Variants in XYLT1 observed in about 807,000 individuals in gnomAD.
The protein encoded by XYLT1 is beta-D-xylosyltransferase 1.
XYLT1 carries 36 observed loss-of-function variants against 91.3 expected under a neutral mutation model. That is an observed-to-expected ratio of 0.39 (90% CI 0.30 to 0.52). The LOEUF (loss-of-function observed/expected upper bound fraction) is 0.52. Among genes scored for constraint, XYLT1 ranks in the 20% least tolerant of loss-of-function variants. The pLI is 0.68. For synonymous variants in XYLT1, 588 were observed against 532.0 expected (o/e 1.11, Z -1.45); for missense variants, 1,242 against 1,284.5 (o/e 0.97, Z 0.51).
intron 1 of XYLT1, among the ~76,000 whole-genome samples, chr16:17,402,382 T>C (rs2035981484): frequency 6.6e-6 from 1 of 151,936 alleles, no homozygotes; most frequent in South Asian, 2.1e-4. Flanking sequence ...AGACGAAGTG[T>C]ACACAGTTTA....
At chr16:17,371,730 TC>T (rs1340618460) in intron 1 of XYLT1, among the ~76,000 whole-genome samples, 1 of 152,184 alleles carries the variant, frequency 6.6e-6, no homozygotes, top group African/African-American at 2.4e-5. Context: ...CTGCAACCTT[TC>T]TAGGTCTAAA....
At chr16:17,169,094 C>A (rs1019373548) in intron 5 of XYLT1, among the ~76,000 whole-genome samples, 1 of 152,162 alleles carries the variant, frequency 6.6e-6, no homozygotes, top group Non-Finnish European at 1.5e-5. Flanking sequence ...ACGCCTGGGA[C>A]AGGAGTGGGT....
chr16:17,310,997 A>C (rs941941912), intron 2 of XYLT1, among the ~76,000 whole-genome samples: 1 of 152,156 alleles, frequency 6.6e-6, no homozygotes, highest in African/African-American at 2.4e-5. Flanking sequence ...ACGGAGAAAA[A>C]GGTGAACTTC....
chr16:17,336,360 G>A lies in XYLT1; in HGVS notation c.402+21652C>T, dbSNP rs377199692. On this transcript the variant is annotated intron_variant, in intron 2 of 11. Coordinates refer to ENST00000261381, the MANE Select transcript of XYLT1 (RefSeq NM_022166.4). ...TGTCATCTGATTCTGTTTTCTGTCA[G>A]GGAAATAAAATATCCCATTTCCTCC... Among the ~76,000 whole-genome samples the A allele has an allele frequency of 1.9e-3, 282 of 152,292 alleles. 2 individuals are homozygous for A. Among genetic ancestry groups the A allele is most frequent in the African/African-American group, 6.4e-3 (264 of 41,560 alleles).
In XYLT1 at chr16:17,316,789, T is replaced by TA. The variant is rs2034638954; in HGVS notation, c.402+41222dup. On this transcript the variant is annotated intron_variant, in intron 2 of 11. Transcript: ENST00000261381. ...AAAGCTAATTTTACACAGACCCTGT[T>TA]ACCTGAAAGAGCTCACTTTGAAACC... Among the ~76,000 whole-genome samples the TA allele has an allele frequency of 2.6e-5, 4 of 151,270 alleles. No homozygotes were observed. The South Asian group carries it at 8.3e-4, about 31-fold the overall frequency.
intron 6 of XYLT1, among the ~76,000 whole-genome samples, chr16:17,146,729 C>A (rs2031143425): frequency 1.3e-5 from 2 of 152,152 alleles, no homozygotes; most frequent in South Asian, 4.1e-4. Context: ...CCAGCTTTGA[C>A]ATTCTATAAG....
intron 1 of XYLT1, among the ~76,000 whole-genome samples, chr16:17,469,571 C>A (rs1162823730): frequency 2.0e-5 from 3 of 152,204 alleles, no homozygotes; most frequent in African/African-American, 7.2e-5. Flanking sequence ...CCCCACCCAG[C>A]CACCCAGATG....
intron 5 of XYLT1, among the ~76,000 whole-genome samples, chr16:17,170,420 T>A (rs1341625199): frequency 6.6e-6 from 1 of 152,234 alleles, no homozygotes; most frequent in Non-Finnish European, 1.5e-5. Context: ...ATCAGCCTTA[T>A]GCCTATTTCT....
At chr16:17,138,639 T>G in intron 7 of XYLT1, 108 bp from the exon 8 acceptor site, 2 of 1,342,286 alleles carry the variant, frequency 1.5e-6, no homozygotes, top group African/African-American at 1.4e-5. Flanking sequence ...GAACTGGTTG[T>G]TTAAAAGAAT....
At chr16:17,311,785 G>A (rs1268466603) in intron 2 of XYLT1, among the ~76,000 whole-genome samples, 1 of 140,800 alleles carries the variant, frequency 7.1e-6, no homozygotes, top group Non-Finnish European at 1.6e-5. Flanking sequence ...AGTGGCTGGG[G>A]AGGCCGCACA....
At chr16:17,421,809 A>G (rs1157449604) in intron 1 of XYLT1, among the ~76,000 whole-genome samples, 1 of 152,200 alleles carries the variant, frequency 6.6e-6, no homozygotes, top group Non-Finnish European at 1.5e-5. Flanking sequence ...CTCAGTTTTC[A>G]GATAGTTTAT....
At chr16:17,469,546 G>A (rs1407801976) in intron 1 of XYLT1, among the ~76,000 whole-genome samples, 1 of 152,188 alleles carries the variant, frequency 6.6e-6, no homozygotes, top group Non-Finnish European at 1.5e-5. Context: ...GACAGGGTAG[G>A]AAGACAAGTC....
intron 1 of XYLT1, among the ~76,000 whole-genome samples, chr16:17,464,057 T>C (rs183008689): frequency 8.6e-5 from 13 of 151,572 alleles, no homozygotes; most frequent in African/African-American, 2.7e-4. Flanking sequence ...AGATAGAGAG[T>C]AGATAGGTGA....
At chr16:17,232,405 C>CTGTGTGTGTG (rs1199361319) in intron 3 of XYLT1, among the ~76,000 whole-genome samples, 12 of 119,208 alleles carry the variant, frequency 1.0e-4, no homozygotes, top group African/African-American at 2.0e-4. Context: ...GTGTCTGTGT[C>CTGTGTGTGTG]TGTGTGTGTG....
chr16:17,225,618 C>A (rs114230409), intron 3 of XYLT1, among the ~76,000 whole-genome samples: 54 of 151,060 alleles, frequency 3.6e-4, no homozygotes, highest in African/African-American at 1.2e-3. Context: ...AAAAAAAAAA[C>A]CCAATTTTCT....
At chr16:17,166,955 A>G (rs904183442) in intron 5 of XYLT1, among the ~76,000 whole-genome samples, 4 of 152,220 alleles carry the variant, frequency 2.6e-5, no homozygotes, top group African/African-American at 9.6e-5. Context: ...AAAATGCTTC[A>G]TAATAACAAT....
intron 3 of XYLT1, among the ~76,000 whole-genome samples, chr16:17,236,173 G>T (rs1439954275): frequency 6.6e-6 from 1 of 152,192 alleles, no homozygotes; most frequent in Non-Finnish European, 1.5e-5. Flanking sequence ...TATCTTGAGG[G>T]AAGCTGGAGA....
At chr16:17,317,244 T>C (rs2034649553) in intron 2 of XYLT1, among the ~76,000 whole-genome samples, 1 of 152,112 alleles carries the variant, frequency 6.6e-6, no homozygotes, top group Non-Finnish European at 1.5e-5. Context: ...CTTTGGGTCA[T>C]TTACAATTAG....
At chr16:17,310,113 T>C (rs1239420940) in intron 2 of XYLT1, among the ~76,000 whole-genome samples, 1 of 152,138 alleles carries the variant, frequency 6.6e-6, no homozygotes, top group East Asian at 1.9e-4. Flanking sequence ...ACACCTTCCT[T>C]TTCCTCCCCA....
Sources: gnomAD v4.1 joint callset for allele counts (sites outside exome capture counted in the v4.1 genomes callset) on GRCh38, gnomAD v4.1.1 for gene constraint, MANE v1.5 for transcripts, NCBI Gene and HGNC (gene_info 2026-07-23, HGNC 2026-07-21) for gene names.